Variants in DLGAP4 observed in about 807,000 individuals in gnomAD.
DLGAP4 encodes disks large-associated protein 4.
A neutral mutation model predicts 86.9 loss-of-function variants in DLGAP4; 18 were observed. The ratio of observed to expected loss-of-function variants is 0.21; its 90% CI spans 0.14 to 0.31. DLGAP4 has a LOEUF of 0.31. DLGAP4 is among the 10% of genes least tolerant of loss of function. DLGAP4 has a pLI of 1.00. For synonymous variants in DLGAP4, 548 were observed against 574.3 expected, an observed-to-expected ratio of 0.95 and a Z score of 0.65; for missense variants, 1,085 against 1,362.6, an observed-to-expected ratio of 0.80 and a Z score of 3.21.
chr20:36,450,311 A>AT (rs1468805350), intron 7 of DLGAP4, among the ~76,000 whole-genome samples: 1 of 152,240 alleles, frequency 6.6e-6, no homozygotes, highest in African/African-American at 2.4e-5. Flanking sequence ...CAGCCTGGCC[A>AT]ACATGGCGAA....
chr20:36,401,004 G>A (rs1170098050), intron 2 of DLGAP4, among the ~76,000 whole-genome samples: 1 of 152,072 alleles, frequency 6.6e-6, no homozygotes, highest in Non-Finnish European at 1.5e-5. Flanking sequence ...GGGAACCTCA[G>A]AGGAAATCAG....
intron 7 of DLGAP4, among the ~76,000 whole-genome samples, chr20:36,452,114 A>G (rs2033751299): frequency 6.6e-6 from 1 of 152,102 alleles, no homozygotes; most frequent in African/African-American, 2.4e-5. Flanking sequence ...GGAGTTGACA[A>G]ATTTATTTTC....
chr20:36,447,086 C>T (rs2033612242), intron 7 of DLGAP4, 149 bp downstream of exon 7: 2 of 1,423,498 alleles, frequency 1.4e-6, no homozygotes, highest in Admixed American at 3.0e-5. Flanking sequence ...AAGCAGGAGG[C>T]CTTGGAGCTG....
chr20:36,347,600 C>T (rs1555893136), intron 1 of DLGAP4, among the ~76,000 whole-genome samples: 1 of 151,766 alleles, frequency 6.6e-6, no homozygotes, highest in East Asian at 1.9e-4. Context: ...CTACAAGTGA[C>T]AGGAGACCTC....
chr20:36,474,703 G>T (rs2034830344), intron 7 of DLGAP4, among the ~76,000 whole-genome samples: 1 of 152,098 alleles, frequency 6.6e-6, no homozygotes, highest in South Asian at 2.1e-4. Flanking sequence ...TGCTGTCCCA[G>T]CAGTTTCTTT....
intron 2 of DLGAP4, among the ~76,000 whole-genome samples, chr20:36,396,328 CA>C: frequency 3.2e-5 from 1 of 31,464 alleles, no homozygotes; most frequent in Non-Finnish European, 7.6e-5. Flanking sequence ...CCAGCACACA[CA>C]CACACACGCA....
chr20:36,477,930 C>T (rs1452192362), intron 7 of DLGAP4, among the ~76,000 whole-genome samples: 2 of 152,218 alleles, frequency 1.3e-5, no homozygotes, highest in Non-Finnish European at 2.9e-5. Context: ...CCACAAGTTG[C>T]AGCTTTTTAA....
chr20:36,375,707 C>T (rs2031125599), intron 2 of DLGAP4, among the ~76,000 whole-genome samples: 1 of 152,150 alleles, frequency 6.6e-6, no homozygotes, highest in Non-Finnish European at 1.5e-5. Flanking sequence ...CAGGGAGAAG[C>T]AACTGGGAGG....
At chr20:36,411,862 G>A (rs73905354) in intron 2 of DLGAP4, among the ~76,000 whole-genome samples, 17,211 of 152,106 alleles carry the variant, frequency 0.11, 1,069 homozygotes, top group East Asian at 0.2. Context: ...TTTATGAAAC[G>A]CTCTTCCCTG....
intron 10 of DLGAP4, among the ~76,000 whole-genome samples, chr20:36,504,481 C>G (rs577244895): frequency 8.5e-5 from 13 of 152,270 alleles, no homozygotes; most frequent in African/African-American, 1.2e-4. Context: ...TGAAGACTGG[C>G]GTGTTTGAGT....
intron 2 of DLGAP4, among the ~76,000 whole-genome samples, chr20:36,403,976 A>T (rs1364844935): frequency 6.6e-6 from 1 of 152,218 alleles, no homozygotes; most frequent in Non-Finnish European, 1.5e-5. Flanking sequence ...GCAAGTTGGA[A>T]ACTGCAGTAT....
At chr20:36,494,138 C>T (rs1318461738) in intron 7 of DLGAP4, among the ~76,000 whole-genome samples, 1 of 152,176 alleles carries the variant, frequency 6.6e-6, no homozygotes, top group Non-Finnish European at 1.5e-5. Context: ...TGGGGGATCT[C>T]TGAGTTTTCT....
At position 36,308,503 on chromosome 20, in the gene DLGAP4, C is replaced by G. The variant is rs939768662; in HGVS notation, c.-304+1991C>G. 8.5e-5 allele frequency among the ~76,000 whole-genome samples: 13 copies of G among 152,228 alleles called. No homozygotes were observed. Among genetic ancestry groups the G allele is most frequent in the African/African-American group, 3.1e-4 (13 of 41,458 alleles). ...GGCTGTGCCCCGGGCGTGAAGCTGC[C>G]TGGCAGCTGAGTTGGTGTTTTTGAA... is the stretch of plus-strand genomic sequence containing the variant. On this transcript the variant is annotated intron_variant, in intron 1 of 12. Transcript: ENST00000339266. This position sits in a 1 kb window ranked among gnomAD's most constrained non-coding sequence, Gnocchi z 4.5.
intron 7 of DLGAP4, among the ~76,000 whole-genome samples, chr20:36,494,022 C>T (rs185685362): frequency 1.1e-3 from 175 of 152,318 alleles, no homozygotes; most frequent in Non-Finnish European, 2.2e-3. Flanking sequence ...TTGACCTGAG[C>T]CCTGCCTCCT....
rs1158362062 is a variant in DLGAP4 at position 36,306,475 on chromosome 20, G to T, written c.-341G>T. The T allele has an allele frequency of 2.0e-5, 3 of 150,666 alleles. No homozygotes were observed. Among genetic ancestry groups the T allele is most frequent in the Non-Finnish European group, 4.5e-5 (3 of 67,384 alleles). The allele number at this position is 150,666 out of a possible 1,614,324, so 9.3% of individuals were successfully genotyped here. A position where few individuals can be genotyped will look rare whatever the true frequency, so the allele number is the denominator to read the frequency against. The stretch of plus-strand genomic sequence containing the variant: ...GAGGCGGCGGCGGCGCAGCGGAACG[G>T]CAGAGCGGGCCGGAGGCGGCCGAGG... On this transcript the variant is annotated 5_prime_UTR_variant, in exon 1 of 13. Coordinates refer to ENST00000339266, the MANE Select transcript of DLGAP4 (RefSeq NM_001365621.2). This position sits in a 1 kb window ranked among gnomAD's most constrained non-coding sequence, Gnocchi z 4.9.
At chr20:36,497,168 G>A in intron 8 of DLGAP4, 102 bp downstream of exon 8, 6 of 1,498,348 alleles carry the variant, frequency 4.0e-6, no homozygotes, top group East Asian at 2.3e-5. Flanking sequence ...GGGAAAAGGT[G>A]GTTTGTCTCT....
chr20:36,461,758 C>A, intron 7 of DLGAP4: 1 of 618,386 alleles, frequency 1.6e-6, no homozygotes, highest in Non-Finnish European at 2.0e-6. Context: ...TCCGCCCGCC[C>A]GCCCGCCCGC....
At chr20:36,437,947 G>A (rs759265460) in intron 4 of DLGAP4, among the ~76,000 whole-genome samples, 5 of 152,080 alleles carry the variant, frequency 3.3e-5, no homozygotes, top group African/African-American at 7.2e-5. Context: ...TCGCTATGTC[G>A]CCCAGGTTGG....
intron 7 of DLGAP4, among the ~76,000 whole-genome samples, chr20:36,453,449 A>AC (rs1953091029): frequency 6.6e-6 from 1 of 152,156 alleles, no homozygotes; most frequent in African/African-American, 2.4e-5. Flanking sequence ...CAGGAGTTCA[A>AC]GATCAGCCTG....
Sources: gnomAD v4.1 joint callset for allele counts (sites outside exome capture counted in the v4.1 genomes callset) on GRCh38, gnomAD v4.1.1 for gene constraint, Gnocchi (gnomAD v3.1) non-coding constraint, MANE v1.5 for transcripts, NCBI Gene and HGNC (gene_info 2026-07-23, HGNC 2026-07-21) for gene names.